Variants in NAV2 observed in about 807,000 individuals in gnomAD.
NAV2 encodes the protein helicase, APC down-regulated 1.
A neutral mutation model predicts 223.2 loss-of-function variants in NAV2; 54 were observed. The observed-to-expected ratio is 0.24, with a 90% CI of 0.19 to 0.30. The LOEUF (loss-of-function observed/expected upper bound fraction) is 0.30. Among genes scored for constraint, NAV2 ranks in the 10% least tolerant of loss-of-function variants. NAV2 has a pLI of 1.00. For missense variants in NAV2, 2,806 were observed against 3,147.5 expected (o/e 0.89, Z 2.60); for synonymous variants, 1,279 against 1,239.3 (o/e 1.03, Z -0.67).
At chr11:19,436,953 C>G (rs1178702997) in intron 1 of NAV2, among the ~76,000 whole-genome samples, 2 of 152,040 alleles carry the variant, frequency 1.3e-5, no homozygotes, top group Non-Finnish European at 2.9e-5. Context: ...TTACTAAGTT[C>G]TTTTATAAGT....
chr11:19,713,892 T>A lies in NAV2; in HGVS notation c.197T>A (p.Leu66Gln), dbSNP rs2050046780. The A allele has an allele frequency of 6.2e-7, 1 of 1,613,596 alleles. No homozygotes were observed. Among genetic ancestry groups the A allele is most frequent in the Non-Finnish European group, 8.5e-7 (1 of 1,179,960 alleles). ...IPLKSQVLQG[L>Q]QEPAGEGLPL... ...CTGAAATCGCAGGTGCTGCAGGGGC[T>A]GCAGGAGCCAGCGGGGGAGGGGCTC... Residue 66 changes from leucine (L) to glutamine (Q), a missense_variant, in exon 1 of 38, where the codon CTG (leucine) becomes CAG (glutamine). Transcript: ENST00000349880. This position sits in a 1 kb window ranked among gnomAD's most constrained non-coding sequence, Gnocchi z 7.2.
chr11:19,481,937 T>G (rs1209703507), intron 1 of NAV2, among the ~76,000 whole-genome samples: 1 of 152,220 alleles, frequency 6.6e-6, no homozygotes, highest in African/African-American at 2.4e-5. Context: ...TTAAGATGAC[T>G]TTCATACTGT....
At chr11:19,429,158 G>A (rs1850948339) in intron 1 of NAV2, among the ~76,000 whole-genome samples, 1 of 152,198 alleles carries the variant, frequency 6.6e-6, no homozygotes, top group African/African-American at 2.4e-5. Context: ...GCCAGATTGG[G>A]AGCTCAGTGA....
chr11:19,671,041 G>A (rs754259068), intron 1 of NAV2, among the ~76,000 whole-genome samples: 10 of 152,190 alleles, frequency 6.6e-5, no homozygotes, highest in African/African-American at 2.2e-4. Flanking sequence ...TTACACCTCC[G>A]GGGTGCATGC....
chr11:20,028,050 A>G (rs1702741128), intron 11 of NAV2, among the ~76,000 whole-genome samples: 1 of 152,196 alleles, frequency 6.6e-6, no homozygotes, highest in South Asian at 2.1e-4. Context: ...GCTTGATATT[A>G]AAAATTTGCC....
chr11:19,764,641 A>C (rs1472070714), intron 1 of NAV2, among the ~76,000 whole-genome samples: 1 of 152,178 alleles, frequency 6.6e-6, no homozygotes, highest in East Asian at 1.9e-4. Flanking sequence ...CCTTCAGTAC[A>C]TTCTTTTTTC....
At chr11:19,429,769 T>C (rs1850976412) in intron 1 of NAV2, among the ~76,000 whole-genome samples, 2 of 152,224 alleles carry the variant, frequency 1.3e-5, no homozygotes, top group Admixed American at 6.5e-5. Context: ...ATGAAGAATC[T>C]AAGGTTTGGG....
intron 1 of NAV2, among the ~76,000 whole-genome samples, chr11:19,735,105 T>C (rs149831868): frequency 1.2e-4 from 19 of 152,346 alleles, no homozygotes; most frequent in African/African-American, 4.6e-4. Context: ...TGTAAGGTGC[T>C]GAGCCCAGGA....
At chr11:19,406,526 G>T (rs1333080330) in intron 1 of NAV2, among the ~76,000 whole-genome samples, 1 of 152,084 alleles carries the variant, frequency 6.6e-6, no homozygotes, top group Non-Finnish European at 1.5e-5. Context: ...TCCAGGCTGG[G>T]CTTCTCAGAA....
At chr11:19,600,422 T>A (rs1479059329) in intron 1 of NAV2, among the ~76,000 whole-genome samples, 2 of 152,244 alleles carry the variant, frequency 1.3e-5, no homozygotes, top group Non-Finnish European at 2.9e-5. Flanking sequence ...TCTAACATTG[T>A]GTGCACTGGA....
chr11:19,345,284 C>A, the NAV2 span, among the ~76,000 whole-genome samples: 1 of 152,198 alleles, frequency 6.6e-6, no homozygotes, highest in African/African-American at 2.4e-5. The surrounding 1 kb of genome is among the most constrained non-coding windows in gnomAD (Gnocchi z 5.2). Context: ...CTGGAGGAGG[C>A]GGCTCCGCGA....
At position 19,400,566 on chromosome 11, in the gene NAV2, T is replaced by C. The variant is rs114245242; in HGVS notation, c.75+49539T>C. Among the ~76,000 whole-genome samples the C allele has an allele frequency of 1.5e-3, 234 of 152,260 alleles. 2 individuals carry two copies. The highest frequency in any genetic ancestry group is 5.4e-3 in the African/African-American group (223 of 41,536). On this transcript the variant is annotated intron_variant, in intron 1 of 37. Transcript: ENST00000360655. ...CTCTGGCTAATTGTATGGCGGTGAG[T>C]AGGTCATTCACCTGCCTAAGTCTCC... is the stretch of plus-strand genomic sequence containing the variant.
chr11:19,890,724 A>G (rs1312989506), intron 5 of NAV2, among the ~76,000 whole-genome samples: 1 of 152,196 alleles, frequency 6.6e-6, no homozygotes, highest in Non-Finnish European at 1.5e-5. Context: ...GACTTGCAGA[A>G]CATTGTTTGC....
chr11:19,666,194 C>T (rs2048406262), intron 1 of NAV2, among the ~76,000 whole-genome samples: 1 of 152,216 alleles, frequency 6.6e-6, no homozygotes, highest in South Asian at 2.1e-4. Flanking sequence ...GTGCTCTTCT[C>T]ACTCTGTTCA....
chr11:19,621,030 T>A (rs1233582093), intron 1 of NAV2, among the ~76,000 whole-genome samples: 1 of 152,232 alleles, frequency 6.6e-6, no homozygotes, highest in Non-Finnish European at 1.5e-5. Context: ...ATGTGGTTTT[T>A]GTCTTTGATT....
chr11:19,703,740 T>C (rs990298398), intron 1 of NAV2, among the ~76,000 whole-genome samples: 1 of 152,220 alleles, frequency 6.6e-6, no homozygotes, highest in Non-Finnish European at 1.5e-5. Flanking sequence ...CTGTAAAGTG[T>C]TGTGAGAGCA....
At chr11:19,958,379 C>G (rs1591424302) in intron 10 of NAV2, among the ~76,000 whole-genome samples, 1 of 152,332 alleles carries the variant, frequency 6.6e-6, no homozygotes, top group Non-Finnish European at 1.5e-5. Context: ...AAGGAAAGAT[C>G]ATGCAACAGG....
At chr11:20,103,219 C>G (rs765691938) in intron 32 of NAV2, 36 bp from the exon 33 acceptor site, 2 of 1,588,014 alleles carry the variant, frequency 1.3e-6, no homozygotes, top group South Asian at 2.3e-5. Flanking sequence ...GTGCATTCAC[C>G]CACTTGTTCT....
chr11:19,988,541 T>C (rs1591551624), intron 11 of NAV2, among the ~76,000 whole-genome samples: 1 of 151,738 alleles, frequency 6.6e-6, no homozygotes. Flanking sequence ...AGGAGAGATT[T>C]TTCTTTTCTT....
Sources: gnomAD v4.1 joint callset for allele counts (sites outside exome capture counted in the v4.1 genomes callset) on GRCh38, gnomAD v4.1.1 for gene constraint, Gnocchi (gnomAD v3.1) non-coding constraint, MANE v1.5 for transcripts, NCBI Gene and HGNC (gene_info 2026-07-23, HGNC 2026-07-21) for gene names.